Variants in AADACL4 observed in about 807,000 individuals in gnomAD.
AADACL4 encodes arylacetamide deacetylase like 4, also known as arylacetamide deacetylase-like 4.
A neutral mutation model predicts 14.1 loss-of-function variants in AADACL4; 9 were observed. The observed-to-expected ratio is 0.64, with a 90% CI of 0.39 to 1.12. AADACL4 has a LOEUF of 1.12. Ranked by LOEUF, AADACL4 falls within the 50% of genes most tolerant of loss-of-function variation. The pLI is 0.01. For missense variants in AADACL4, 531 were observed against 516.1 expected (o/e 1.03, Z -0.28); for synonymous variants, 188 against 201.6 (o/e 0.93, Z 0.57).
At chr1:12,649,712 T>C (rs6541049) in intron 1 of AADACL4, among the ~76,000 whole-genome samples, 5,772 of 152,240 alleles carry the variant, frequency 0.038, 111 homozygotes, top group Middle Eastern at 0.075. Flanking sequence ...AGACACTCTA[T>C]GTAGGTGATC....
intron 2 of AADACL4, among the ~76,000 whole-genome samples, chr1:12,657,140 C>CAAAAAAAAAA (rs59777423): frequency 2.0e-5 from 1 of 51,122 alleles, no homozygotes. Context: ...AAGACTGTCT[C>CAAAAAAAAAA]AAAAAAAAAA....
Position 12,666,462 on chromosome 1 carries a change from T to C in AADACL4, c.951T>C (p.His317=). 1 of 1,614,162 alleles carries C rather than the reference T, an allele frequency of 6.2e-7. No homozygotes were observed. The highest frequency in any genetic ancestry group is 1.1e-5 in the South Asian group (1 of 91,076). ...FNEAAYLEAK[H]MLDVENSPLI... ...AAGCTGCCTATCTAGAAGCCAAACATATGCTGGATGTAGAAAATTCACCCC... is the reference window on the plus strand; with the variant it reads ...AAGCTGCCTATCTAGAAGCCAAACACATGCTGGATGTAGAAAATTCACCCC... The change falls in exon 4 of 4, where the codon CAT becomes CAC. Residue 317 remains histidine (H), a synonymous_variant. Transcript: ENST00000376221.
At chr1:12,662,959 A>T (rs1052655997) in intron 3 of AADACL4, among the ~76,000 whole-genome samples, 1 of 152,230 alleles carries the variant, frequency 6.6e-6, no homozygotes, top group African/African-American at 2.4e-5. Flanking sequence ...AAGCACCTGC[A>T]TTAATACCTT....
rs759595209 is a variant in AADACL4, at chr1:12,666,077, T to C, written c.566T>C (p.Val189Ala). Residue 189 changes from valine to alanine, a missense_variant, in exon 4 of 4, where the codon GTC (valine) becomes GCC (alanine). Val to Ala is a moderately conservative substitution (Grantham distance 64). Coordinates refer to ENST00000376221, the MANE Select transcript of AADACL4 (RefSeq NM_001013630.2). ...TYGVDPSRVV[V>A]CGESVGGAAV... ...GGGGTGGACCCCTCCAGGGTTGTGG[T>C]CTGTGGAGAAAGCGTCGGAGGTGCA... is the stretch of plus-strand genomic sequence containing the variant. 1.9e-6 allele frequency: 3 copies of C among 1,614,208 alleles called. No homozygotes were observed. The highest frequency in any genetic ancestry group is 4.5e-5 in the East Asian group (2 of 44,880).
At chr1:12,656,565 C>T (rs1647180031) in intron 2 of AADACL4, among the ~76,000 whole-genome samples, 1 of 152,160 alleles carries the variant, frequency 6.6e-6, no homozygotes, top group Admixed American at 6.5e-5. Context: ...AAGGGGCCTA[C>T]CCTGCTGCGT....
At chr1:12,665,159 C>T (rs1647292270) in intron 3 of AADACL4, among the ~76,000 whole-genome samples, 1 of 152,222 alleles carries the variant, frequency 6.6e-6, no homozygotes, top group Admixed American at 6.5e-5. Flanking sequence ...TCCTGAGTAA[C>T]TGAGACTACA....
In AADACL4 at chr1:12,648,897, C is replaced by A. The variant is rs567215180; in HGVS notation, c.169-2226C>A. Among the ~76,000 whole-genome samples, 4 of 152,292 alleles carry A rather than the reference C, an allele frequency of 2.6e-5. No individual in the cohort carries two copies. In the East Asian group the frequency reaches 7.7e-4, roughly 29 times the overall value. ...TCACACGGTACAGCGTGATGTTAAA[C>A]TTTCCGGGGTAGCGCGATGCCTATG... On this transcript the variant is annotated intron_variant, in intron 1 of 3. Coordinates refer to ENST00000376221, the MANE Select transcript of AADACL4 (RefSeq NM_001013630.2).
At chr1:12,654,648 T>C (rs1647169837) in intron 2 of AADACL4, among the ~76,000 whole-genome samples, 1 of 152,172 alleles carries the variant, frequency 6.6e-6, no homozygotes, top group South Asian at 2.1e-4. Flanking sequence ...ATTTTAGTTA[T>C]AATAGCCACA....
chr1:12,644,831 A>C, intron 1 of AADACL4, 117 bp downstream of exon 1: 1 of 1,162,856 alleles, frequency 8.6e-7, no homozygotes. Context: ...GACTCCCTCA[A>C]GATAGACTTG....
rs139261871 is a variant in AADACL4, at chr1:12,666,307, G to A, written c.796G>A (p.Ala266Thr). 266 of 1,614,182 alleles carry A rather than the reference G, an allele frequency of 1.6e-4. 5 individuals are homozygous for A. In the South Asian group the frequency reaches 1.9e-3, roughly 11 times the overall value. Reference protein sequence around the residue: ...YLAIDLSWRDAILNGTCVPPD... With the variant: ...YLAIDLSWRDTILNGTCVPPD... ...GGCCATTGACCTCTCCTGGCGTGAC[G>A]CCATCTTGAACGGCACTTGTGTACC... The change falls in exon 4 of 4, where the codon GCC (alanine) becomes ACC (threonine). Residue 266 changes from alanine (A) to threonine (T), a missense_variant. Transcript: ENST00000376221.
Position 12,661,821 on chromosome 1 carries a change from C to A in AADACL4, c.416C>A (p.Ala139Asp), listed in dbSNP as rs747789410. Residue 139 changes from alanine (A) to aspartate (D), a missense_variant, in exon 3 of 4, where the codon GCC becomes GAC. Physicochemically the swap from Ala to Asp is moderately radical, Grantham distance 126. Transcript: ENST00000376221. ...DCYHGLCNYLARETESVLLMI... is the reference protein window; with the variant it reads ...DCYHGLCNYLDRETESVLLMI... The stretch of plus-strand genomic sequence containing the variant: ...TACCATGGCCTGTGCAATTATCTGG[C>A]CCGGGAGACTGAATCTGTACTTCTG... 4.3e-6 allele frequency: 7 copies of A among 1,614,026 alleles called. No individual in the cohort carries two copies. In the South Asian group the frequency reaches 7.7e-5, roughly 18 times the overall value.
Position 12,644,443 on chromosome 1 carries a change from G to A in AADACL4, c.-104G>A, listed in dbSNP as rs1557545980. Reference sequence around the variant, plus strand: ...TGTCAGGTGTCAGGCTTAGCCCAGAGAGAGTGAGGTGGAGGAGGCGGAGGG... The same window carrying A: ...TGTCAGGTGTCAGGCTTAGCCCAGAAAGAGTGAGGTGGAGGAGGCGGAGGG... On this transcript the variant is annotated 5_prime_UTR_variant, in exon 1 of 4. Coordinates refer to ENST00000376221, the MANE Select transcript of AADACL4 (RefSeq NM_001013630.2). 1.5e-6 allele frequency: 2 copies of A among 1,350,256 alleles called. No individual in the cohort carries two copies. Among genetic ancestry groups the A allele is most frequent in the East Asian group, 2.3e-5 (1 of 43,126 alleles). 83.6% of individuals were successfully genotyped at this position (1,350,256 alleles called of 1,614,324 possible).
intron 2 of AADACL4, among the ~76,000 whole-genome samples, chr1:12,658,037 C>T (rs1023366503): frequency 3.3e-5 from 4 of 120,270 alleles, no homozygotes; most frequent in African/African-American, 1.2e-4. Flanking sequence ...TCTTTCTTTC[C>T]TTCCTTCCTT....
chr1:12,651,179 A>G lies in AADACL4; in HGVS notation c.225A>G (p.Leu75=). 5 of 1,614,232 alleles carry G rather than the reference A, an allele frequency of 3.1e-6. No individual in the cohort carries two copies. Among genetic ancestry groups the G allele is most frequent in the Non-Finnish European group, 3.4e-6 (4 of 1,180,046 alleles). The part of the protein sequence containing the change: ...ICSMPKFIRF[L]HDSVRIKKDP... ...CCATGCCCAAATTTATTCGTTTTTT[A>G]CATGATAGCGTGAGAATTAAAAAGG... Residue 75 remains leucine, a synonymous_variant, in exon 2 of 4, where the codon TTA becomes TTG. Transcript: ENST00000376221.
In AADACL4 at chr1:12,666,059, AC is replaced by A; in HGVS notation, c.552del (p.Ser185ProfsTer36). 6.2e-7 allele frequency: 1 copy of A among 1,614,018 alleles called. No homozygotes were observed. The highest frequency in any genetic ancestry group is 8.5e-7 in the Non-Finnish European group (1 of 1,179,996). ...AAGGCCCTGGAAACCTATGGGGTGG[AC>A]CCCTCCAGGGTTGTGGTCTGTGGAG... ...FLKALETYGV[D>X]PSRVVVCGES... On this transcript the variant is annotated frameshift_variant, in exon 4 of 4. Coordinates refer to ENST00000376221, the MANE Select transcript of AADACL4 (RefSeq NM_001013630.2). LOFTEE classifies it low-confidence loss of function (END_TRUNC).
At chr1:12,665,606 TACAG>T (rs755456755) in intron 3 of AADACL4, among the ~76,000 whole-genome samples, 1 of 152,222 alleles carries the variant, frequency 6.6e-6, no homozygotes, top group Admixed American at 6.5e-5. Context: ...TCCCTTTCTC[TACAG>T]ACAAACAGTG....
In AADACL4 at chr1:12,666,409, C is replaced by A. The variant is rs754785414; in HGVS notation, c.898C>A (p.Gln300Lys). 2 of 1,614,154 alleles carry A rather than the reference C, an allele frequency of 1.2e-6. No homozygotes were observed. Among genetic ancestry groups the A allele is most frequent in the Admixed American group, 3.3e-5 (2 of 60,022 alleles). ...CAAGAAATTTAAGAACAGAGGCTAC[C>A]AACCCTGGTCTCCCGGCCCTTTTAA... ...IPKKFKNRGYQPWSPGPFNEA... is the reference protein window; with the variant it reads ...IPKKFKNRGYKPWSPGPFNEA... The change falls in exon 4 of 4, where the codon CAA (glutamine) becomes AAA (lysine). Residue 300 changes from glutamine (Q) to lysine (K), a missense_variant. Coordinates refer to ENST00000376221, the MANE Select transcript of AADACL4 (RefSeq NM_001013630.2).
Position 12,651,315 on chromosome 1 carries a change from G to A in AADACL4, c.361G>A (p.Gly121Arg), listed in dbSNP as rs762639372. The stretch of plus-strand genomic sequence containing the variant: ...GCGAGGCATCATCTTCTACCATGGA[G>A]GGGCCACAGTATTTGGGAGCCTGGG... ...PRRGIIFYHG[G>R]ATVFGSLDCY... Residue 121 changes from glycine to arginine, a missense_variant, in exon 2 of 4, where the codon GGG becomes AGG. By Grantham distance (125) the Gly-to-Arg change is moderately radical. Transcript: ENST00000376221. The A allele has an allele frequency of 1.2e-6, 2 of 1,614,238 alleles. No homozygotes were observed. Among genetic ancestry groups the A allele is most frequent in the Admixed American group, 3.3e-5 (2 of 60,032 alleles).
chr1:12,658,104 T>TTCCTTCCTTCC (rs1647195059), intron 2 of AADACL4, among the ~76,000 whole-genome samples: 74 of 90,448 alleles, frequency 8.2e-4, no homozygotes, highest in African/African-American at 3.8e-3. Flanking sequence ...TCTTTCTCTC[T>TTCCTTCCTTCC]TTCTTTCCTT....
Sources: gnomAD v4.1 joint callset for allele counts (sites outside exome capture counted in the v4.1 genomes callset) on GRCh38, gnomAD v4.1.1 for gene constraint, MANE v1.5 for transcripts, NCBI Gene and HGNC (gene_info 2026-07-23, HGNC 2026-07-21) for gene names.